The following RTN1 variants were observed in gnomAD, a reference collection of about 807,000 sequenced individuals.
RTN1 encodes reticulon 1.
A neutral mutation model predicts 65.5 loss-of-function variants in RTN1; 25 were observed. The observed-to-expected ratio is 0.38, with a 90% CI of 0.28 to 0.53. The LOEUF is 0.53. Among genes scored for constraint, RTN1 ranks in the 20% least tolerant of loss-of-function variants. The pLI, the probability that RTN1 is intolerant of heterozygous loss-of-function variation, is 0.79. For missense variants in RTN1, 983 were observed against 1,025.4 expected, an observed-to-expected ratio of 0.96 and a Z score of 0.57; for synonymous variants, 471 against 447.6, an observed-to-expected ratio of 1.05 and a Z score of -0.66.
intron 1 of RTN1, among the ~76,000 whole-genome samples, chr14:59,861,341 G>A (rs573861349): frequency 2.6e-4 from 40 of 152,192 alleles, no homozygotes; most frequent in African/African-American, 9.2e-4. Flanking sequence ...GACATGACTC[G>A]CTCCTCCTTG....
At chr14:59,744,707 CT>C (rs1375433865) in intron 2 of RTN1, among the ~76,000 whole-genome samples, 1 of 152,176 alleles carries the variant, frequency 6.6e-6, no homozygotes, top group African/African-American at 2.4e-5. Flanking sequence ...TAGGTTTCCT[CT>C]TCCTGTCTGT....
intron 3 of RTN1, among the ~76,000 whole-genome samples, chr14:59,696,838 A>G (rs1884073696): frequency 6.6e-6 from 1 of 152,188 alleles, no homozygotes; most frequent in Admixed American, 6.5e-5. Flanking sequence ...CTTGGTCCCT[A>G]AACTCCAAAT....
At chr14:59,777,826 A>C (rs866491305) in intron 1 of RTN1, among the ~76,000 whole-genome samples, 85 of 51,302 alleles carry the variant, frequency 1.7e-3, no homozygotes, top group African/African-American at 3.7e-3. Context: ...CAACAACAAA[A>C]AAAAAAAACA....
chr14:59,604,679 G>A (rs149668684), intron 5 of RTN1: 1 of 152,182 alleles, frequency 6.6e-6, no homozygotes, highest in African/African-American at 2.4e-5. Context: ...CCCCTGCCAG[G>A]GTGTGTATAA....
chr14:59,631,777 T>G lies in RTN1; in HGVS notation c.1766-24285A>C, dbSNP rs566101785. On this transcript the variant is annotated intron_variant, in intron 3 of 8. Coordinates refer to ENST00000267484, the MANE Select transcript of RTN1 (RefSeq NM_021136.3). The stretch of plus-strand genomic sequence containing the variant: ...GGGGTCCCTAGAGGAGACAAGACAC[T>G]GCATGAGGACAGAGAATGCCCTGGA... Among the ~76,000 whole-genome samples, 158 of 152,272 alleles carry G rather than the reference T, an allele frequency of 1.0e-3. 1 individual carries two copies. Among genetic ancestry groups the G allele is most frequent in the African/African-American group, 3.8e-3 (156 of 41,558 alleles).
chr14:59,605,489 T>C lies in RTN1; in HGVS notation c.1991A>G (p.Glu664Gly), dbSNP rs747418333. 2 of 1,614,100 alleles carry C rather than the reference T, an allele frequency of 1.2e-6. No homozygotes were observed. Among genetic ancestry groups the C allele is most frequent in the Admixed American group, 3.3e-5 (2 of 60,024 alleles). The change falls in exon 5 of 9, where the codon GAG becomes GGG. Residue 664 changes from glutamate to glycine, a missense_variant. Glu to Gly is a moderately conservative substitution (Grantham distance 98, BLOSUM62 -2). This residue lies in a region of RTN1 where 165 missense variants were observed against 223.6 expected (regional missense o/e 0.74). Transcript: ENST00000267484. The stretch of plus-strand genomic sequence containing the variant: ...AATCTGCTCCTGAGAAAGGGTGATC[T>C]CAAGCTCCAAGTAGGCCCTGTCAAC... Reference protein sequence around the residue: ...GHPFKAYLELEITLSQEQIQK... With the variant: ...GHPFKAYLELGITLSQEQIQK...
intron 3 of RTN1, among the ~76,000 whole-genome samples, chr14:59,621,732 C>T (rs1882258643): frequency 6.6e-6 from 1 of 152,168 alleles, no homozygotes; most frequent in Admixed American, 6.5e-5. Flanking sequence ...AAGTCCTTTG[C>T]TGTAGTCCAA....
chr14:59,664,341 T>C (rs1156858653), intron 3 of RTN1, among the ~76,000 whole-genome samples: 4 of 152,094 alleles, frequency 2.6e-5, no homozygotes, highest in South Asian at 2.1e-4. Flanking sequence ...AGGGAAGTGA[T>C]AGCATTAGGA....
intron 3 of RTN1, among the ~76,000 whole-genome samples, chr14:59,680,517 A>C (rs1481207954): frequency 6.6e-6 from 1 of 152,200 alleles, no homozygotes; most frequent in East Asian, 1.9e-4. Context: ...CCAATTACCA[A>C]TTTCCCAATG....
intron 2 of RTN1, among the ~76,000 whole-genome samples, chr14:59,733,859 A>G (rs1213838955): frequency 6.6e-6 from 1 of 152,194 alleles, no homozygotes; most frequent in Non-Finnish European, 1.5e-5. Flanking sequence ...TCTCCAACAC[A>G]GCACAGCTGC....
At chr14:59,704,204 T>G (rs1248534395) in intron 3 of RTN1, among the ~76,000 whole-genome samples, 1 of 152,184 alleles carries the variant, frequency 6.6e-6, no homozygotes, top group Non-Finnish European at 1.5e-5. Context: ...TTTCAGGCCC[T>G]CCAGGGACTT....
chr14:59,749,190 ATATATATCTATATATATATC>A (rs1566711051), intron 1 of RTN1, among the ~76,000 whole-genome samples: 4 of 85,764 alleles, frequency 4.7e-5, no homozygotes, highest in African/African-American at 2.8e-4. Context: ...ATATCTATCT[ATATATATCTATATATATATC>A]TATATATATC....
intron 3 of RTN1, among the ~76,000 whole-genome samples, chr14:59,665,080 G>C (rs1251752721): frequency 6.6e-6 from 1 of 152,012 alleles, no homozygotes; most frequent in Non-Finnish European, 1.5e-5. Context: ...TGTCTCTGAT[G>C]TTATTTCTCA....
intron 3 of RTN1, among the ~76,000 whole-genome samples, chr14:59,683,869 C>T (rs1374959771): frequency 6.6e-6 from 1 of 152,098 alleles, no homozygotes; most frequent in Non-Finnish European, 1.5e-5. Context: ...CTTGCCAACG[C>T]CAGCTCTCTT....
chr14:59,639,121 A>G (rs1161831718), intron 3 of RTN1, among the ~76,000 whole-genome samples: 3 of 152,332 alleles, frequency 2.0e-5, no homozygotes, highest in Admixed American at 1.3e-4. Context: ...GAAGAGGAAG[A>G]GAGACTAGAG....
chr14:59,612,070 C>G (rs1295135205), intron 3 of RTN1, among the ~76,000 whole-genome samples: 1 of 152,148 alleles, frequency 6.6e-6, no homozygotes, highest in East Asian at 1.9e-4. Context: ...CAACAGGGAC[C>G]AAAGGGAAAA....
chr14:59,655,193 G>A (rs7147897), intron 3 of RTN1, among the ~76,000 whole-genome samples: 2,729 of 152,098 alleles, frequency 0.018, 76 homozygotes, highest in African/African-American at 0.062. Context: ...TTAAGAAAAC[G>A]ATTCCACTTT....
At chr14:59,608,902 CA>C (rs1881852214) in intron 3 of RTN1, among the ~76,000 whole-genome samples, 2 of 151,300 alleles carry the variant, frequency 1.3e-5, no homozygotes, top group Non-Finnish European at 2.9e-5. Flanking sequence ...TTTCCAGAGG[CA>C]AAAATAAAAA....
At chr14:59,714,093 G>C (rs1884480570) in intron 3 of RTN1, among the ~76,000 whole-genome samples, 1 of 152,074 alleles carries the variant, frequency 6.6e-6, no homozygotes, top group South Asian at 2.1e-4. Context: ...AAATTGGCCA[G>C]GCATGGTGGC....
Sources: allele counts gnomAD v4.1 joint callset (sites outside exome capture counted in the v4.1 genomes callset), GRCh38; gene constraint gnomAD v4.1.1; regional missense constraint gnomAD v4.1.1; transcripts MANE v1.5; gene names NCBI Gene and HGNC (gene_info 2026-07-23, HGNC 2026-07-21).